Variants in STAU2 observed in about 807,000 individuals in gnomAD.
STAU2 encodes the protein staufen double-stranded RNA binding protein 2.
In STAU2, 20 loss-of-function variants were observed where a neutral mutation model predicts 65.9. The ratio of observed to expected loss-of-function variants is 0.30; its 90% CI spans 0.21 to 0.44. The LOEUF is 0.44. Among genes scored for constraint, STAU2 ranks in the 20% least tolerant of loss-of-function variants. STAU2 has a pLI of 1.00. For missense variants in STAU2, 558 were observed against 683.9 expected (o/e 0.82, Z 2.05); for synonymous variants, 232 against 233.9 (o/e 0.99, Z 0.07).
intron 13 of STAU2, among the ~76,000 whole-genome samples, chr8:73,425,369 C>T (rs895739925): frequency 3.3e-5 from 5 of 152,202 alleles, no homozygotes; most frequent in East Asian, 1.9e-4. Flanking sequence ...GGAGTGATGC[C>T]GCAGCAGCCA....
intron 9 of STAU2, among the ~76,000 whole-genome samples, chr8:73,607,785 T>A (rs1023825682): frequency 2.0e-5 from 3 of 152,038 alleles, no homozygotes; most frequent in Non-Finnish European, 2.9e-5. Flanking sequence ...ATTATCTTTC[T>A]GCATATGAAC....
chr8:73,430,971 G>A (rs2128882614), intron 13 of STAU2, among the ~76,000 whole-genome samples: 1 of 152,314 alleles, frequency 6.6e-6, no homozygotes, highest in East Asian at 1.9e-4. Flanking sequence ...TGATAACAAG[G>A]TGTTTAAATC....
intron 13 of STAU2, among the ~76,000 whole-genome samples, chr8:73,468,799 G>A (rs906424549): frequency 6.6e-6 from 1 of 152,164 alleles, no homozygotes; most frequent in Non-Finnish European, 1.5e-5. Flanking sequence ...AAAAAGTCAG[G>A]AAACGACAGG....
intron 5 of STAU2, among the ~76,000 whole-genome samples, chr8:73,682,025 T>C (rs988356481): frequency 6.6e-6 from 1 of 152,020 alleles, no homozygotes; most frequent in African/African-American, 2.4e-5. Context: ...AAAATAATAA[T>C]AGTGAGGGAC....
intron 12 of STAU2, chr8:73,561,582 C>T (rs1184810934): frequency 2.2e-6 from 1 of 451,770 alleles, no homozygotes; most frequent in Admixed American, 2.4e-5. Context: ...ATAAGTCTGA[C>T]ATATGACAAA....
At chr8:73,719,704 T>TG (rs1821505462) in intron 3 of STAU2, among the ~76,000 whole-genome samples, 1 of 152,224 alleles carries the variant, frequency 6.6e-6, no homozygotes, top group Admixed American at 6.5e-5. Flanking sequence ...AATAAACTGT[T>TG]GAATTAGATT....
intron 13 of STAU2, among the ~76,000 whole-genome samples, chr8:73,484,754 A>G (rs1820823148): frequency 6.6e-6 from 1 of 152,018 alleles, no homozygotes; most frequent in Admixed American, 6.6e-5. Flanking sequence ...CCACTAGCTC[A>G]CTGTAAAACC....
intron 13 of STAU2, among the ~76,000 whole-genome samples, chr8:73,443,482 C>G (rs1818307648): frequency 6.6e-6 from 1 of 152,164 alleles, no homozygotes; most frequent in African/African-American, 2.4e-5. Flanking sequence ...AAGTAGTAGT[C>G]ATAGTGTCTG....
intron 9 of STAU2, among the ~76,000 whole-genome samples, chr8:73,608,135 G>A (rs1363434974): frequency 6.6e-6 from 1 of 152,110 alleles, no homozygotes; most frequent in East Asian, 1.9e-4. Context: ...TTTAAGCAGA[G>A]GCATGATATG....
At chr8:73,433,528 T>A (rs1817468573) in intron 13 of STAU2, among the ~76,000 whole-genome samples, 1 of 137,540 alleles carries the variant, frequency 7.3e-6, no homozygotes, top group African/African-American at 2.9e-5. Flanking sequence ...TTTGACAGAG[T>A]CTGGCTCTGT....
chr8:73,582,114 T>C (rs1346727660), intron 12 of STAU2, among the ~76,000 whole-genome samples: 1 of 152,186 alleles, frequency 6.6e-6, no homozygotes, highest in Non-Finnish European at 1.5e-5. Context: ...CAATGTAAAA[T>C]ATCTTGATCA....
intron 13 of STAU2, among the ~76,000 whole-genome samples, chr8:73,499,714 C>T (rs1041162705): frequency 6.6e-6 from 1 of 151,672 alleles, no homozygotes; most frequent in Admixed American, 6.6e-5. Context: ...TCAAAAAGGA[C>T]AGAATGGTGG....
intron 13 of STAU2, among the ~76,000 whole-genome samples, chr8:73,518,818 A>C (rs1395656285): frequency 6.6e-6 from 1 of 152,202 alleles, no homozygotes; most frequent in Non-Finnish European, 1.5e-5. Context: ...TTCCTTAACT[A>C]TAAGATATAA....
intron 1 of STAU2, chr8:73,742,223 C>T (rs975515898): frequency 2.4e-5 from 24 of 984,398 alleles, no homozygotes; most frequent in Non-Finnish European, 2.9e-5. Context: ...TTTTATACTA[C>T]CTTTGGTTTC....
At chr8:73,637,217 A>T (rs1814590533) in intron 6 of STAU2, among the ~76,000 whole-genome samples, 1 of 151,754 alleles carries the variant, frequency 6.6e-6, no homozygotes, top group South Asian at 2.1e-4. Context: ...AAAGGGGGGA[A>T]CAGAAAAATA....
At chr8:73,696,049 C>T (rs1819677576) in intron 4 of STAU2, among the ~76,000 whole-genome samples, 1 of 152,186 alleles carries the variant, frequency 6.6e-6, no homozygotes, top group Non-Finnish European at 1.5e-5. Flanking sequence ...GTGCCTGCAT[C>T]ACCACACCCC....
chr8:73,426,559 T>G (rs944524208), intron 13 of STAU2, among the ~76,000 whole-genome samples: 1 of 152,204 alleles, frequency 6.6e-6, no homozygotes, highest in African/African-American at 2.4e-5. Context: ...CAAGAACAAG[T>G]GGTGTTTAAC....
At chr8:73,726,387 T>G (rs912466916) in intron 3 of STAU2, among the ~76,000 whole-genome samples, 1 of 152,210 alleles carries the variant, frequency 6.6e-6, no homozygotes, top group Admixed American at 6.5e-5. Context: ...AAAGAACTTA[T>G]TCATGTAACC....
intron 12 of STAU2, among the ~76,000 whole-genome samples, chr8:73,574,763 A>G (rs867870405): frequency 6.6e-6 from 1 of 152,042 alleles, no homozygotes; most frequent in African/African-American, 2.4e-5. Flanking sequence ...GTCATGGGGT[A>G]GGGGGCTGAG....
Sources: allele counts gnomAD v4.1 joint callset (sites outside exome capture counted in the v4.1 genomes callset), GRCh38; gene constraint gnomAD v4.1.1; transcripts MANE v1.5; gene names NCBI Gene and HGNC (gene_info 2026-07-23, HGNC 2026-07-21).